ANK3: variants seen among roughly 807,000 people sequenced by gnomAD.
ANK3 encodes ankyrin 3, also known as ankyrin-3.
Under a neutral mutation model 370.9 loss-of-function variants are expected in ANK3, and 57 were observed. The observed-to-expected ratio is 0.15, with a 90% confidence interval of 0.12 to 0.19. The LOEUF (loss-of-function observed/expected upper bound fraction) is 0.19, where lower values mean the gene tolerates loss of function less well. Among genes scored for constraint, ANK3 ranks in the 10% least tolerant of loss-of-function variants. The pLI is 1.00. For synonymous variants in ANK3, 1,929 were observed against 1,946.3 expected, an observed-to-expected ratio of 0.99 and a Z score of 0.23; for missense variants, 4,439 against 5,302.1, an observed-to-expected ratio of 0.84 and a Z score of 5.06.
chr10:60,606,343 G>T (rs540514322), intron 2 of ANK3, among the ~76,000 whole-genome samples: 2 of 151,970 alleles, frequency 1.3e-5, no homozygotes, highest in African/African-American at 2.4e-5. Context: ...AAATTAATTG[G>T]TCTCATGAGA....
chr10:60,194,489 TA>T (rs2132396081), intron 16 of ANK3, among the ~76,000 whole-genome samples: 1 of 152,354 alleles, frequency 6.6e-6, no homozygotes, highest in East Asian at 1.9e-4. Context: ...ATACATCATA[TA>T]AGTAGAATCA....
chr10:60,209,184 G>A (rs1387305233), intron 9 of ANK3, among the ~76,000 whole-genome samples: 1 of 152,092 alleles, frequency 6.6e-6, no homozygotes, highest in Non-Finnish European at 1.5e-5. Context: ...TATCAAGAGA[G>A]GCTCTATCAA....
At chr10:60,042,564 A>T (rs2076286011) in intron 43 of ANK3, 108 bp downstream of exon 43, 5 of 1,113,370 alleles carry the variant, frequency 4.5e-6, no homozygotes, top group Non-Finnish European at 3.9e-6. Flanking sequence ...CAAAGCTGAA[A>T]TTCAGTGAAA....
At chr10:60,538,635 T>G (rs1185415911) in intron 2 of ANK3, among the ~76,000 whole-genome samples, 1 of 151,912 alleles carries the variant, frequency 6.6e-6, no homozygotes, top group Non-Finnish European at 1.5e-5. Context: ...GCCAGATATG[T>G]AGAAAGAATG....
intron 1 of ANK3, among the ~76,000 whole-genome samples, chr10:60,282,872 T>C (rs1185565994): frequency 6.6e-6 from 1 of 152,140 alleles, no homozygotes; most frequent in East Asian, 1.9e-4. Flanking sequence ...AAGAGGCGAA[T>C]GAAGACTGCC....
At chr10:60,303,876 A>ATGTGTGTG (rs71015783) in intron 1 of ANK3, among the ~76,000 whole-genome samples, 84 of 147,540 alleles carry the variant, frequency 5.7e-4, no homozygotes, top group African/African-American at 2.0e-3. Context: ...TGGTGTATAT[A>ATGTGTGTG]TGTGTGTGTG....
intron 28 of ANK3, among the ~76,000 whole-genome samples, chr10:60,089,798 A>G (rs1195526234): frequency 6.6e-6 from 1 of 152,070 alleles, no homozygotes; most frequent in East Asian, 1.9e-4. Flanking sequence ...AAGTTTAAAT[A>G]TGTATACTGA....
chr10:60,229,933 G>A (rs1215482699), intron 8 of ANK3, among the ~76,000 whole-genome samples: 1 of 152,164 alleles, frequency 6.6e-6, no homozygotes, highest in Non-Finnish European at 1.5e-5. Context: ...GGGTTTCTCT[G>A]AGGATGCAGG....
intron 1 of ANK3, among the ~76,000 whole-genome samples, chr10:60,311,294 CA>C (rs2046293016): frequency 6.6e-6 from 1 of 152,122 alleles, no homozygotes; most frequent in Non-Finnish European, 1.5e-5. Context: ...AACTAGCCAT[CA>C]AGAAAGGGCT....
intron 1 of ANK3, among the ~76,000 whole-genome samples, chr10:60,625,696 A>T (rs2078399828): frequency 6.6e-6 from 1 of 152,192 alleles, no homozygotes; most frequent in Non-Finnish European, 1.5e-5. Flanking sequence ...ATCCTGTTTG[A>T]TAAATTACTG....
Position 60,072,354 on chromosome 10 carries a change from T to C in ANK3, c.8527A>G (p.Thr2843Ala), listed in dbSNP as rs932454279. 8 of 1,613,746 alleles carry C rather than the reference T, an allele frequency of 5.0e-6. No individual in the cohort carries two copies. In the Admixed American group the frequency reaches 1.2e-4, roughly 24 times the overall value. Residue 2843 changes from threonine to alanine, a missense_variant, in exon 37 of 44, where the codon ACT becomes GCT. This residue lies in a region of ANK3 where 1,601 missense variants were observed against 1,731.7 expected (regional missense o/e 0.92). Coordinates refer to ENST00000280772, the MANE Select transcript of ANK3 (RefSeq NM_020987.5). ...ACCTTTTTGTCCCATGGTCCCCTAG[T>C]TGCTAAATCTGAGGTTATATGACAT... ...LACHITSDLA[T>A]RGPWDKKVFR...
At chr10:60,523,806 A>G (rs2076406888) in intron 2 of ANK3, among the ~76,000 whole-genome samples, 1 of 152,104 alleles carries the variant, frequency 6.6e-6, no homozygotes, top group East Asian at 1.9e-4. Flanking sequence ...TTTTCTACTG[A>G]TAAAATAAGA....
At chr10:60,423,137 T>G (rs1460250163) in intron 2 of ANK3, among the ~76,000 whole-genome samples, 6 of 152,056 alleles carry the variant, frequency 3.9e-5, no homozygotes, top group Non-Finnish European at 7.4e-5. Context: ...AGTTTTTGTC[T>G]ACGTGAAAAC....
At chr10:60,189,125 T>G (rs1298315136) in intron 16 of ANK3, among the ~76,000 whole-genome samples, 1 of 152,202 alleles carries the variant, frequency 6.6e-6, no homozygotes, top group African/African-American at 2.4e-5. Context: ...GTAAGGCAGC[T>G]CACACATGAA....
At chr10:60,716,543 T>A (rs977363686) in intron 1 of ANK3, among the ~76,000 whole-genome samples, 1 of 152,022 alleles carries the variant, frequency 6.6e-6, no homozygotes, top group East Asian at 1.9e-4. Flanking sequence ...TTAAGAAAAA[T>A]TTTTTTGTCA....
intron 1 of ANK3, among the ~76,000 whole-genome samples, chr10:60,683,008 A>G (rs578137149): frequency 1.6e-4 from 24 of 152,250 alleles, no homozygotes; most frequent in African/African-American, 5.8e-4. Context: ...TGTGGGACTA[A>G]GCCCTCAACC....
chr10:60,346,947 T>C (rs2055673181), intron 1 of ANK3, among the ~76,000 whole-genome samples: 1 of 85,590 alleles, frequency 1.2e-5, no homozygotes. Context: ...TGTTTCCTAA[T>C]GATTTCATAC....
chr10:60,681,594 A>G lies in ANK3; in HGVS notation c.57+51669T>C, dbSNP rs147835912. Among the ~76,000 whole-genome samples the G allele has an allele frequency of 2.7e-3, 418 of 152,156 alleles. 1 individual carries two copies. The highest frequency in any genetic ancestry group is 9.8e-3 in the African/African-American group (407 of 41,496). The stretch of plus-strand genomic sequence containing the variant: ...AGCCCCACCAGTCTCAGGTGCCCCC[A>G]CTATGCCTTCCAGTAGTATCCTATG... On this transcript the variant is annotated intron_variant, in intron 1 of 43. Transcript: ENST00000373827.
At chr10:60,192,797 G>A (rs928138532) in intron 16 of ANK3, among the ~76,000 whole-genome samples, 2 of 152,018 alleles carry the variant, frequency 1.3e-5, no homozygotes, top group East Asian at 3.8e-4. Flanking sequence ...AGCACTAAGC[G>A]ACATATCCAT....
Sources: allele counts gnomAD v4.1 joint callset (sites outside exome capture counted in the v4.1 genomes callset), GRCh38; gene constraint gnomAD v4.1.1; regional missense constraint gnomAD v4.1.1; transcripts MANE v1.5; gene names NCBI Gene and HGNC (gene_info 2026-07-23, HGNC 2026-07-21).